The following PHRF1 variants were observed in gnomAD, a reference collection of about 807,000 sequenced individuals.
PHRF1 encodes PHD and RING finger domain-containing protein 1.
In PHRF1, 53 loss-of-function variants were observed where a neutral mutation model predicts 128.9. The observed-to-expected ratio is 0.41, with a 90% CI of 0.33 to 0.52. PHRF1 has a LOEUF of 0.52. PHRF1 is among the 20% of genes least tolerant of loss of function. The pLI is 0.21. For synonymous variants in PHRF1, 1,178 were observed against 980.6 expected (o/e 1.20, Z -3.76); for missense variants, 2,503 against 2,284.5 (o/e 1.10, Z -1.95).
At position 582,190 on chromosome 11, in the gene PHRF1, T is replaced by A. The variant is rs560983439; in HGVS notation, c.214+109T>A. ...AGTGCTGTCACCACAGCTGGCCATG[T>A]CCCTGCGGTCACCTACGGTGAGGCC... On this transcript the variant is annotated intron_variant, in intron 3 of 17. Transcript: ENST00000264555. 42 of 1,500,094 alleles carry A rather than the reference T, an allele frequency of 2.8e-5. No individual in the cohort carries two copies. In the African/African-American group the frequency reaches 5.7e-4, roughly 20 times the overall value. 92.9% of individuals were successfully genotyped at this position (1,500,094 alleles called of 1,614,324 possible).
chr11:581,659 G>A lies in PHRF1; in HGVS notation c.94+53G>A, dbSNP rs12283876. On this transcript the variant is annotated intron_variant, in intron 2 of 17. Transcript: ENST00000264555. ...GTCCCCAGGAGGAGCAGGGTGCCTG[G>A]TGTTTCCCTTTGGAGGTCGTCTGTG... 7 of 1,516,244 alleles carry A rather than the reference G, an allele frequency of 4.6e-6. No homozygotes were observed. The African/African-American group carries it at 7.0e-5, about 15-fold the overall frequency. The allele number at this position is 1,516,244 out of a possible 1,614,324, so 93.9% of individuals were successfully genotyped here. A position where few individuals can be genotyped will look rare whatever the true frequency, so the allele number is the denominator to read the frequency against.
At chr11:579,924 C>T (rs1854109827) in intron 1 of PHRF1, among the ~76,000 whole-genome samples, 1 of 152,146 alleles carries the variant, frequency 6.6e-6, no homozygotes, top group Non-Finnish European at 1.5e-5. Context: ...GGTTTGTTGT[C>T]CAGGGGTTTC....
intron 4 of PHRF1, among the ~76,000 whole-genome samples, chr11:589,667 A>G (rs888954348): frequency 6.6e-6 from 1 of 152,268 alleles, no homozygotes; most frequent in South Asian, 2.1e-4. Context: ...CGGACTAGAA[A>G]GCAAAGCTGA....
chr11:601,953 A>G (rs61596393), intron 10 of PHRF1, among the ~76,000 whole-genome samples: 5,978 of 152,290 alleles, frequency 0.039, 401 homozygotes, highest in African/African-American at 0.14. Context: ...AGGGGTGGTC[A>G]TGTGCCCCCA....
Position 608,068 on chromosome 11 carries a change from A to G in PHRF1, c.2612A>G (p.Gln871Arg). The G allele has an allele frequency of 1.2e-6, 2 of 1,611,678 alleles. No homozygotes were observed. The highest frequency in any genetic ancestry group is 1.7e-6 in the Non-Finnish European group (2 of 1,179,868). ...RTISINSPKA[Q>R]TVQAVRCVTS... The stretch of plus-strand genomic sequence containing the variant: ...ATCTCCATCAACAGCCCGAAGGCCC[A>G]GACGGTGCAGGCTGTGCGCTGCGTC... Residue 871 changes from glutamine (Q) to arginine (R), a missense_variant, in exon 14 of 18, where the codon CAG (glutamine) becomes CGG (arginine). Coordinates refer to ENST00000264555, the MANE Select transcript of PHRF1 (RefSeq NM_001286581.2).
chr11:589,253 T>C (rs1343844455), intron 4 of PHRF1, among the ~76,000 whole-genome samples: 1 of 152,198 alleles, frequency 6.6e-6, no homozygotes, highest in East Asian at 1.9e-4. Flanking sequence ...TAAGGAGACG[T>C]GTAAGACATT....
At chr11:606,371 G>T (rs1190725003) in intron 12 of PHRF1, 71 bp from the exon 13 acceptor site, 1 of 1,465,282 alleles carries the variant, frequency 6.8e-7, no homozygotes, top group Non-Finnish European at 9.0e-7. Context: ...CCTGCTGCGG[G>T]GCTCTGCCTG....
intron 6 of PHRF1, among the ~76,000 whole-genome samples, chr11:595,455 G>A (rs1023842135): frequency 2.6e-5 from 4 of 152,362 alleles, no homozygotes; most frequent in Non-Finnish European, 5.9e-5. Flanking sequence ...AGGCCTGTTA[G>A]GTGTGGCCCT....
Position 609,623 on chromosome 11 carries a change from G to A in PHRF1, c.4167G>A (p.Ser1389=), listed in dbSNP as rs758021963. 6 of 1,583,834 alleles carry A rather than the reference G, an allele frequency of 3.8e-6. No homozygotes were observed. The highest frequency in any genetic ancestry group is 4.6e-5 in the East Asian group (2 of 43,356). The part of the protein sequence containing the change: ...QEAARPEEVV[S]QTPLLRSRAL... ...CAGCCCGGCCTGAGGAGGTGGTTTC[G>A]CAGACCCCCCTGCTGCGGTCCAGAG... The change falls in exon 14 of 18, where the codon TCG becomes TCA. Residue 1389 remains serine (S), a synonymous_variant. Coordinates refer to ENST00000264555, the MANE Select transcript of PHRF1 (RefSeq NM_001286581.2).
At position 597,689 on chromosome 11, in the gene PHRF1, T is replaced by C; in HGVS notation, c.894+119T>C. The C allele has an allele frequency of 7.6e-7, 1 of 1,322,422 alleles. No individual in the cohort carries two copies. The highest frequency in any genetic ancestry group is 1.0e-6 in the Non-Finnish European group (1 of 975,022). The allele number at this position is 1,322,422 out of a possible 1,614,324, so 81.9% of individuals were successfully genotyped here. On this transcript the variant is annotated intron_variant, in intron 8 of 17. Transcript: ENST00000264555. The surrounding 1 kb of genome is among the most constrained non-coding windows in gnomAD (Gnocchi z 6.5). The stretch of plus-strand genomic sequence containing the variant: ...GTGGGGTCCGCCCGGCCCCGGTGGC[T>C]CATGTTGTTCGGCCTGCTGAGGGGA...
chr11:583,751 A>G (rs1411505490), intron 3 of PHRF1, among the ~76,000 whole-genome samples: 2 of 152,144 alleles, frequency 1.3e-5, no homozygotes, highest in Non-Finnish European at 2.9e-5. Context: ...CAAAGGGGAG[A>G]CAAGTCCGTG....
chr11:599,635 G>T (rs368798135), intron 9 of PHRF1, among the ~76,000 whole-genome samples: 11 of 152,232 alleles, frequency 7.2e-5, no homozygotes, highest in African/African-American at 2.4e-4. Flanking sequence ...TTCCATTCCA[G>T]CCAGCACAGA....
At chr11:591,999 T>C (rs1486635060) in intron 5 of PHRF1, among the ~76,000 whole-genome samples, 1 of 149,952 alleles carries the variant, frequency 6.7e-6, no homozygotes, top group East Asian at 2.0e-4. Context: ...CACTGCAAGC[T>C]CTGCCTCCTG....
Position 597,651 on chromosome 11 carries a change from C to CT in PHRF1, c.894+81_894+82insT. On this transcript the variant is annotated intron_variant, in intron 8 of 17. Transcript: ENST00000264555. This position sits in a 1 kb window ranked among gnomAD's most constrained non-coding sequence, Gnocchi z 6.5. Reference sequence around the variant, plus strand: ...CGGCAGTCTGGGTGGGTGGGAGGGGCGTCGTCGGCACTGTGGGGTCCGCCC... The same window carrying CT: ...CGGCAGTCTGGGTGGGTGGGAGGGGCTGTCGTCGGCACTGTGGGGTCCGCCC... 1 of 1,476,798 alleles carries CT rather than the reference C, an allele frequency of 6.8e-7. No individual in the cohort carries two copies. The highest frequency in any genetic ancestry group is 9.1e-7 in the Non-Finnish European group (1 of 1,099,060). The allele number at this position is 1,476,798 out of a possible 1,614,324, so 91.5% of individuals were successfully genotyped here.
intron 4 of PHRF1, among the ~76,000 whole-genome samples, chr11:590,840 G>T (rs1361133978): frequency 6.6e-6 from 1 of 151,878 alleles, no homozygotes; most frequent in Admixed American, 6.6e-5. Flanking sequence ...AGTAGCTGGG[G>T]TTACAGGTAT....
At chr11:578,779 A>T (rs1854036771) in intron 1 of PHRF1, among the ~76,000 whole-genome samples, 1 of 152,034 alleles carries the variant, frequency 6.6e-6, no homozygotes. Flanking sequence ...CATAACTTGC[A>T]GGCTCAAGTG....
rs370929509 is a variant in PHRF1, at chr11:608,517, ACGCG to A, written c.3063_3066del (p.Arg1022LeufsTer176). The A allele has an allele frequency of 4.9e-5, 77 of 1,572,108 alleles. No individual in the cohort carries two copies. In the African/African-American group the frequency reaches 5.5e-4, roughly 11 times the overall value. On this transcript the variant is annotated frameshift_variant, in exon 14 of 18. Coordinates refer to ENST00000264555, the MANE Select transcript of PHRF1 (RefSeq NM_001286581.2). LOFTEE classifies it high-confidence loss of function. ...GGAGCACGGACGGACGCGCTCTGGG[ACGCG>A]CTCTGAATCCAGGGACAGGAGCTCG...
intron 4 of PHRF1, among the ~76,000 whole-genome samples, chr11:589,574 C>CGG (rs1035822177): frequency 1.1e-5 from 1 of 89,398 alleles, no homozygotes; most frequent in Non-Finnish European, 2.7e-5. Context: ...TGGACACACT[C>CGG]GGGGGGGCAG....
chr11:600,960 C>G (rs966921427), intron 9 of PHRF1, among the ~76,000 whole-genome samples: 3 of 151,200 alleles, frequency 2.0e-5, no homozygotes, highest in Non-Finnish European at 3.0e-5. Context: ...AGCGAGACTC[C>G]GTCTCAAAAA....
Sources: allele counts gnomAD v4.1 joint callset (sites outside exome capture counted in the v4.1 genomes callset), GRCh38; gene constraint gnomAD v4.1.1; non-coding constraint Gnocchi (gnomAD v3.1); transcripts MANE v1.5; gene names NCBI Gene and HGNC (gene_info 2026-07-23, HGNC 2026-07-21).